BCAS1: variants seen among roughly 807,000 people sequenced by gnomAD.
The protein encoded by BCAS1 is breast carcinoma-amplified sequence 1.
In BCAS1, 46 loss-of-function variants were observed where a neutral mutation model predicts 65.4. That is an observed-to-expected ratio of 0.70 (90% CI 0.55 to 0.90). BCAS1 has a LOEUF of 0.90. BCAS1 is among the 40% of genes least tolerant of loss of function. The pLI, the probability that BCAS1 is intolerant of heterozygous loss-of-function variation, is 0.00. For missense variants in BCAS1, 793 were observed against 771.2 expected, an observed-to-expected ratio of 1.03 and a Z score of -0.33; for synonymous variants, 298 against 293.5, an observed-to-expected ratio of 1.02 and a Z score of -0.16.
chr20:53,953,153 G>T (rs1193504702), intron 12 of BCAS1, among the ~76,000 whole-genome samples: 1 of 152,168 alleles, frequency 6.6e-6, no homozygotes, highest in African/African-American at 2.4e-5. Flanking sequence ...ACTAGATGCA[G>T]TATCTCACCT....
At chr20:54,025,590 A>C (rs1183115340) in intron 4 of BCAS1, among the ~76,000 whole-genome samples, 1 of 152,154 alleles carries the variant, frequency 6.6e-6, no homozygotes, top group Non-Finnish European at 1.5e-5. Flanking sequence ...CTCCCAATTC[A>C]CAGCTCTGTG....
At chr20:53,994,888 T>TACACACACACAC (rs11471603) in intron 6 of BCAS1, 124 bp downstream of exon 6, 20,312 of 554,992 alleles carry the variant, frequency 0.037, 552 homozygotes, top group East Asian at 0.19. Flanking sequence ...ATAGATATGA[T>TACACACACACAC]ACACACACAC....
intron 12 of BCAS1, among the ~76,000 whole-genome samples, chr20:53,952,929 T>C (rs1323309050): frequency 1.3e-5 from 2 of 152,362 alleles, no homozygotes; most frequent in South Asian, 2.1e-4. Context: ...TAAATTTGAT[T>C]TGTCTAATTT....
intron 4 of BCAS1, among the ~76,000 whole-genome samples, chr20:54,024,162 A>G (rs2091621344): frequency 6.6e-6 from 1 of 152,224 alleles, no homozygotes; most frequent in Non-Finnish European, 1.5e-5. Flanking sequence ...AAGATCACAC[A>G]GCCAGTAGGT....
chr20:53,961,165 A>G (rs951197191), intron 10 of BCAS1, among the ~76,000 whole-genome samples: 6 of 152,224 alleles, frequency 3.9e-5, no homozygotes, highest in African/African-American at 1.4e-4. Flanking sequence ...ACCATCTCCA[A>G]TGTATATCAC....
chr20:53,977,824 T>C (rs550143449), intron 8 of BCAS1, among the ~76,000 whole-genome samples: 1 of 152,310 alleles, frequency 6.6e-6, no homozygotes, highest in Non-Finnish European at 1.5e-5. Flanking sequence ...TGGGAAATAA[T>C]CCAGTTGAGC....
chr20:53,986,023 A>G (rs2090606958), intron 7 of BCAS1, among the ~76,000 whole-genome samples: 1 of 152,236 alleles, frequency 6.6e-6, no homozygotes, highest in African/African-American at 2.4e-5. Flanking sequence ...GTTAGACTAT[A>G]AAGTTAGTAA....
Position 54,015,069 on chromosome 20 carries a change from G to A in BCAS1, c.723+13323C>T, listed in dbSNP as rs539149379. On this transcript the variant is annotated intron_variant, in intron 4 of 12. Coordinates refer to ENST00000688948, the MANE Select transcript of BCAS1 (RefSeq NM_001366298.2). ...CTATGATTTTTTTTTTTTTTGAGAT[G>A]TTGCCCAGGCTGGAGTGCAATGGTG... 2.4e-3 allele frequency among the ~76,000 whole-genome samples: 352 copies of A among 146,684 alleles called. 1 individual carries two copies. The highest frequency in any genetic ancestry group is 0.017 in the Middle Eastern group (5 of 286).
intron 3 of BCAS1, among the ~76,000 whole-genome samples, chr20:54,036,063 G>C (rs935069793): frequency 7.3e-5 from 11 of 151,136 alleles, no homozygotes; most frequent in African/African-American, 2.7e-4. Context: ...AGGGTGGAAG[G>C]TGGGAGGAGG....
chr20:53,979,253 T>C (rs1418142978), intron 8 of BCAS1, among the ~76,000 whole-genome samples: 20 of 152,108 alleles, frequency 1.3e-4, no homozygotes, highest in Non-Finnish European at 1.5e-5. Context: ...AAATGGACCC[T>C]AGCAAGAGAA....
chr20:53,999,662 G>A lies in BCAS1; in HGVS notation c.724-3612C>T, dbSNP rs1237285969. On this transcript the variant is annotated intron_variant, in intron 4 of 12. Coordinates refer to ENST00000688948, the MANE Select transcript of BCAS1 (RefSeq NM_001366298.2). Reference sequence around the variant, plus strand: ...AGTAGGCTGTTGCCTCAGGACCTTTGCATCTGGGCTGAGCTTCTGCCTGCC... The same window carrying A: ...AGTAGGCTGTTGCCTCAGGACCTTTACATCTGGGCTGAGCTTCTGCCTGCC... Among the ~76,000 whole-genome samples, 3 of 151,922 alleles carry A rather than the reference G, an allele frequency of 2.0e-5. No individual in the cohort carries two copies. In the East Asian group the frequency reaches 5.8e-4, roughly 29 times the overall value.
In BCAS1 at chr20:53,965,717, T is replaced by A. The variant is rs540665657; in HGVS notation, c.1485+1189A>T. 3.9e-5 allele frequency among the ~76,000 whole-genome samples: 6 copies of A among 152,342 alleles called. No individual in the cohort carries two copies. In the South Asian group the frequency reaches 1.2e-3, roughly 32 times the overall value. ...CAAATTTGTGTCACTCACGTCACCT[T>A]CAGAATTTTTGCCATATCTTTATAT... On this transcript the variant is annotated intron_variant, in intron 10 of 12. Coordinates refer to ENST00000688948, the MANE Select transcript of BCAS1 (RefSeq NM_001366298.2).
intron 2 of BCAS1, 54 bp downstream of exon 2, chr20:54,058,591 TTC>T: frequency 6.6e-7 from 1 of 1,523,852 alleles, no homozygotes; most frequent in Non-Finnish European, 8.7e-7. Context: ...ATACAGGAAG[TTC>T]TTTTTTTTTT....
chr20:53,970,316 T>C (rs965939790), intron 9 of BCAS1, among the ~76,000 whole-genome samples: 2 of 152,188 alleles, frequency 1.3e-5, no homozygotes, highest in African/African-American at 2.4e-5. Flanking sequence ...AGACTTCCAC[T>C]ACCTTTGAAG....
intron 3 of BCAS1, among the ~76,000 whole-genome samples, chr20:54,057,498 T>A (rs1220710623): frequency 6.6e-6 from 1 of 152,220 alleles, no homozygotes; most frequent in African/African-American, 2.4e-5. Flanking sequence ...AGCTTCATGT[T>A]TTCACTCTAT....
intron 12 of BCAS1, among the ~76,000 whole-genome samples, chr20:53,946,942 T>C (rs1292469743): frequency 6.6e-6 from 1 of 151,962 alleles, no homozygotes; most frequent in Admixed American, 6.6e-5. Flanking sequence ...GCATAATAAA[T>C]AGAGTGTAGT....
rs143929524 is a variant in BCAS1 at position 53,996,461 on chromosome 20, TA to T, written c.724-412del. On this transcript the variant is annotated intron_variant, in intron 4 of 12. Transcript: ENST00000688948. ...TTCCACAGAGTTGGATTATATCAAC[TA>T]AAAAAAAAAAAAAAAAAAAAGAAAA... Among the ~76,000 whole-genome samples the T allele has an allele frequency of 6.4e-3, 589 of 92,190 alleles. 2 individuals carry two copies. The highest frequency in any genetic ancestry group is 0.017 in the East Asian group (46 of 2,654). The allele number at this position is 92,190 out of a possible 152,430, so 60.5% of individuals were successfully genotyped here.
chr20:53,990,305 G>C (rs541214961), intron 7 of BCAS1, among the ~76,000 whole-genome samples: 1 of 152,252 alleles, frequency 6.6e-6, no homozygotes, highest in East Asian at 1.9e-4. Context: ...ACCAAACAGT[G>C]GTGGCCACAT....
chr20:53,997,254 G>C (rs2090941662), intron 4 of BCAS1, among the ~76,000 whole-genome samples: 1 of 152,212 alleles, frequency 6.6e-6, no homozygotes, highest in African/African-American at 2.4e-5. Flanking sequence ...CTTTTCTCAA[G>C]TACCAAGGAC....
Sources: allele counts gnomAD v4.1 joint callset (sites outside exome capture counted in the v4.1 genomes callset), GRCh38; gene constraint gnomAD v4.1.1; transcripts MANE v1.5; gene names NCBI Gene and HGNC (gene_info 2026-07-23, HGNC 2026-07-21).